PRKN: variants seen among roughly 807,000 people sequenced by gnomAD.
PRKN encodes the protein E3 ubiquitin-protein ligase parkin.
A neutral mutation model predicts 59.5 loss-of-function variants in PRKN; 56 were observed. The ratio of observed to expected loss-of-function variants is 0.94; its 90% CI spans 0.76 to 1.18. PRKN has a LOEUF of 1.18. Among genes scored for constraint, PRKN ranks in the 50% most tolerant of loss-of-function variants. The pLI, the probability that PRKN is intolerant of heterozygous loss-of-function variation, is 0.00. For synonymous variants in PRKN, 250 were observed against 222.1 expected (o/e 1.13, Z -1.12); for missense variants, 657 against 596.4 (o/e 1.10, Z -1.06).
intron 5 of PRKN, among the ~76,000 whole-genome samples, chr6:162,009,563 C>T (rs1389773061): frequency 6.6e-6 from 1 of 151,798 alleles, no homozygotes; most frequent in Non-Finnish European, 1.5e-5. Context: ...AACACAGACT[C>T]GGAGGTTTTT....
chr6:161,939,565 C>T (rs947196216), intron 6 of PRKN, among the ~76,000 whole-genome samples: 1 of 151,582 alleles, frequency 6.6e-6, no homozygotes, highest in Admixed American at 6.6e-5. Flanking sequence ...AACCCCATCT[C>T]TACCAAAAAT....
chr6:162,569,601 G>A, intron 1 of PRKN: 1 of 715,412 alleles, frequency 1.4e-6, no homozygotes, highest in Admixed American at 1.8e-5. Flanking sequence ...CTGGGCTCCA[G>A]CTTTGGCTCT....
Position 161,401,122 on chromosome 6 carries a change from A to T in PRKN, c.1084-14245T>A, listed in dbSNP as rs377252461. Among the ~76,000 whole-genome samples, 2 of 152,310 alleles carry T rather than the reference A, an allele frequency of 1.3e-5. No homozygotes were observed. The highest frequency in any genetic ancestry group is 3.9e-4 in the East Asian group (2 of 5,176). ...TGGCCTGGTGTTATTGCAGTCTCTT[A>T]ATTTAGCCAACAAAGAAGGTTGGCT... On this transcript the variant is annotated intron_variant, in intron 9 of 11. Transcript: ENST00000366898. The surrounding 1 kb of genome is among the most constrained non-coding windows in gnomAD (Gnocchi z 4.4).
rs956566252 is a variant in PRKN at position 161,400,614 on chromosome 6, G to A, written c.1084-13737C>T. Among the ~76,000 whole-genome samples the A allele has an allele frequency of 1.3e-5, 2 of 151,990 alleles. No homozygotes were observed. The highest frequency in any genetic ancestry group is 3.4e-3 in the Middle Eastern group (1 of 294). ...CAGGCATGAGCCACCACGCTCGGCC[G>A]AAAATTAAACGTATTCTAAGACAAA... On this transcript the variant is annotated intron_variant, in intron 9 of 11. Coordinates refer to ENST00000366898, the MANE Select transcript of PRKN (RefSeq NM_004562.3). The surrounding 1 kb of genome is among the most constrained non-coding windows in gnomAD (Gnocchi z 4.2).
chr6:161,884,292 CA>C (rs1795052254), intron 6 of PRKN, among the ~76,000 whole-genome samples: 1 of 152,134 alleles, frequency 6.6e-6, no homozygotes, highest in African/African-American at 2.4e-5. Flanking sequence ...TCAACTAATT[CA>C]ACCATTTAAG....
Position 162,647,947 on chromosome 6 carries a change from TGC to T in PRKN, c.7+79713_7+79714del, listed in dbSNP as rs1230339765. On this transcript the variant is annotated intron_variant, in intron 1 of 11. Coordinates refer to ENST00000366898, the MANE Select transcript of PRKN (RefSeq NM_004562.3). Reference sequence around the variant, plus strand: ...TAGAACCATCTCTATATGTCCACAGTGCAAAAAAAAAAAAAAAAAAAAAAAAA... The same window carrying T: ...TAGAACCATCTCTATATGTCCACAGTAAAAAAAAAAAAAAAAAAAAAAAAA... Among the ~76,000 whole-genome samples, 25 of 15,534 alleles carry T rather than the reference TGC, an allele frequency of 1.6e-3. 2 individuals carry two copies. Among genetic ancestry groups the T allele is most frequent in the African/African-American group, 4.9e-3 (14 of 2,850 alleles). 10.2% of individuals were successfully genotyped at this position (15,534 alleles called of 152,430 possible).
At chr6:162,462,842 C>T (rs958989237) in intron 1 of PRKN, among the ~76,000 whole-genome samples, 11 of 152,030 alleles carry the variant, frequency 7.2e-5, no homozygotes, top group Non-Finnish European at 7.4e-5. Context: ...GTCTGTAATC[C>T]TAATAGTTTT....
chr6:162,088,807 G>C (rs552365545), intron 4 of PRKN, among the ~76,000 whole-genome samples: 28 of 152,234 alleles, frequency 1.8e-4, no homozygotes, highest in African/African-American at 6.5e-4. Context: ...GTTTTCAACA[G>C]GGTAACAAGA....
intron 6 of PRKN, among the ~76,000 whole-genome samples, chr6:161,925,602 A>G (rs774533190): frequency 4.6e-5 from 7 of 152,160 alleles, no homozygotes; most frequent in East Asian, 1.9e-4. Flanking sequence ...AGAAACTCCT[A>G]TTTATATACA....
chr6:162,408,705 G>A (rs1788199676), intron 2 of PRKN, among the ~76,000 whole-genome samples: 1 of 151,924 alleles, frequency 6.6e-6, no homozygotes, highest in African/African-American at 2.4e-5. Context: ...TTTCTTTTTT[G>A]GTAAAGATCC....
At chr6:161,583,847 T>C (rs952029300) in intron 7 of PRKN, among the ~76,000 whole-genome samples, 45 of 152,220 alleles carry the variant, frequency 3.0e-4, no homozygotes, top group African/African-American at 1.1e-3. Flanking sequence ...AGGCAAACCC[T>C]AATGATCATA....
At chr6:161,817,983 A>G (rs1288038579) in intron 6 of PRKN, among the ~76,000 whole-genome samples, 2 of 152,338 alleles carry the variant, frequency 1.3e-5, no homozygotes, top group Admixed American at 6.5e-5. Context: ...TGGATAGTCT[A>G]CTGGCGTAGG....
rs972954747 is a variant in PRKN at position 161,584,252 on chromosome 6, C to T, written c.872-14836G>A. On this transcript the variant is annotated intron_variant, in intron 7 of 11. Transcript: ENST00000366898. This position sits in a 1 kb window ranked among gnomAD's most constrained non-coding sequence, Gnocchi z 4.8. ...AACATAATTATGAAAAATGTCTGTG[C>T]TCAATACAGCCTGTCCTTCCAGCTT... Among the ~76,000 whole-genome samples, 1 of 152,162 alleles carries T rather than the reference C, an allele frequency of 6.6e-6. No individual in the cohort carries two copies. Among genetic ancestry groups the T allele is most frequent in the African/African-American group, 2.4e-5 (1 of 41,436 alleles).
In PRKN at chr6:161,490,385, C is replaced by T. The variant is rs1297649820; in HGVS notation, c.1083+58469G>A. On this transcript the variant is annotated intron_variant, in intron 9 of 11. Coordinates refer to ENST00000366898, the MANE Select transcript of PRKN (RefSeq NM_004562.3). ...CCTCTCTCTCTCTCTTTCTTTCTTT[C>T]CTTTTTTTTTTTTTTTTGAGACAGA... Among the ~76,000 whole-genome samples the T allele has an allele frequency of 3.9e-3, 243 of 63,040 alleles. 3 individuals carry two copies. Among genetic ancestry groups the T allele is most frequent in the African/African-American group, 0.012 (224 of 17,988 alleles). The allele number at this position is 63,040 out of a possible 152,430, so 41.4% of individuals were successfully genotyped here.
intron 7 of PRKN, among the ~76,000 whole-genome samples, chr6:161,740,801 T>C (rs1021179256): frequency 2.0e-5 from 3 of 152,216 alleles, no homozygotes; most frequent in Non-Finnish European, 4.4e-5. Context: ...CAATAACTTT[T>C]AGTAAAACAG....
chr6:161,723,139 G>A (rs1306718427), intron 7 of PRKN, among the ~76,000 whole-genome samples: 1 of 151,958 alleles, frequency 6.6e-6, no homozygotes, highest in Non-Finnish European at 1.5e-5. Flanking sequence ...GTGGAGGTGA[G>A]TGCCTGTAAT....
intron 7 of PRKN, among the ~76,000 whole-genome samples, chr6:161,574,005 T>C (rs1207582211): frequency 6.6e-6 from 1 of 151,638 alleles, no homozygotes; most frequent in Non-Finnish European, 1.5e-5. Flanking sequence ...AGCTCGTATA[T>C]AAACATCTTT....
At chr6:162,385,585 C>T (rs921012514) in intron 2 of PRKN, among the ~76,000 whole-genome samples, 14 of 152,018 alleles carry the variant, frequency 9.2e-5, no homozygotes, top group Admixed American at 5.2e-4. Context: ...AACTTGACTG[C>T]GCGCTATTTC....
intron 4 of PRKN, among the ~76,000 whole-genome samples, chr6:162,153,864 A>G (rs1454851305): frequency 6.6e-6 from 1 of 152,096 alleles, no homozygotes; most frequent in Non-Finnish European, 1.5e-5. Context: ...TGGGGTCTTT[A>G]TAGGCACAGG....
Sources: gnomAD v4.1 joint callset for allele counts (sites outside exome capture counted in the v4.1 genomes callset) on GRCh38, gnomAD v4.1.1 for gene constraint, Gnocchi (gnomAD v3.1) non-coding constraint, MANE v1.5 for transcripts, NCBI Gene and HGNC (gene_info 2026-07-23, HGNC 2026-07-21) for gene names.